The following DMD variants were observed in gnomAD, a reference collection of about 807,000 sequenced individuals.
DMD encodes mutant dystrophin.
Under a neutral mutation model 330.1 loss-of-function variants are expected in DMD, and 63 were observed. The observed-to-expected ratio is 0.19, with a 90% CI of 0.16 to 0.24. The LOEUF (loss-of-function observed/expected upper bound fraction) is 0.24. DMD is among the 10% of genes least tolerant of loss of function. DMD has a pLI of 1.00. For synonymous variants in DMD, 1,223 were observed against 959.8 expected, an observed-to-expected ratio of 1.27 and a Z score of -5.07; for missense variants, 3,344 against 2,684.1, an observed-to-expected ratio of 1.25 and a Z score of -5.43.
chrX:32,108,652 C>T (rs1012808753), intron 44 of DMD, among the ~76,000 whole-genome samples: 3 of 111,733 alleles, frequency 2.7e-5, no homozygotes, highest in African/African-American at 9.7e-5. Context: ...CTTTTCTCTG[C>T]TATTGGTTTT....
At chrX:31,276,994 T>G (rs926048779) in intron 62 of DMD, among the ~76,000 whole-genome samples, 1 of 111,891 alleles carries the variant, frequency 8.9e-6, no homozygotes, top group Non-Finnish European at 1.9e-5. Context: ...GTTAAATGAG[T>G]GTGTTCAGAT....
At chrX:32,708,400 G>T (rs1189251430) in intron 7 of DMD, among the ~76,000 whole-genome samples, 1 of 110,173 alleles carries the variant, frequency 9.1e-6, no homozygotes, top group Admixed American at 9.7e-5. Flanking sequence ...TAATAGGTAA[G>T]GGACTGTGGT....
At chrX:32,752,858 CT>C (rs1018134591) in intron 7 of DMD, among the ~76,000 whole-genome samples, 8 of 110,524 alleles carry the variant, frequency 7.2e-5, no homozygotes, top group African/African-American at 2.3e-4. Flanking sequence ...CACAAGCTTT[CT>C]TTGCCCTCTG....
chrX:31,529,001 A>G (rs995126163), intron 55 of DMD, among the ~76,000 whole-genome samples: 1 of 110,519 alleles, frequency 9.0e-6, no homozygotes. Context: ...TAAAAATAAA[A>G]AAACAGTTAA....
chrX:31,905,621 G>C (rs1012379212), intron 47 of DMD, among the ~76,000 whole-genome samples: 11 of 110,208 alleles, frequency 1.0e-4, no homozygotes, highest in Admixed American at 2.0e-4. Context: ...AAAAAGGAAG[G>C]GGGGAGAAAG....
At chrX:32,633,010 A>T (rs2058846783) in intron 11 of DMD, among the ~76,000 whole-genome samples, 1 of 112,302 alleles carries the variant, frequency 8.9e-6, no homozygotes, top group African/African-American at 3.2e-5. Flanking sequence ...TTTCTACCAC[A>T]TATCCATGTT....
chrX:33,131,430 T>G (rs1279441258), intron 1 of DMD, among the ~76,000 whole-genome samples: 2 of 111,926 alleles, frequency 1.8e-5, no homozygotes, highest in African/African-American at 6.5e-5. Flanking sequence ...TGTTATCAAA[T>G]TAGGTGCTCA....
At chrX:33,160,351 CCAGGGCCACAGCCTAGT>C (rs2048713039) in intron 1 of DMD, among the ~76,000 whole-genome samples, 1 of 111,523 alleles carries the variant, frequency 9.0e-6, no homozygotes, top group African/African-American at 3.3e-5. Context: ...GACTCAGCTA[CCAGGGCCACAGCCTAGT>C]CAGGGACACT....
chrX:33,091,325 G>T (rs1348962629), intron 1 of DMD, among the ~76,000 whole-genome samples: 1 of 111,413 alleles, frequency 9.0e-6, no homozygotes, highest in African/African-American at 3.3e-5. Context: ...ATACTTGAAA[G>T]CAGGGATACT....
At chrX:31,591,700 C>T (rs775534057) in intron 55 of DMD, among the ~76,000 whole-genome samples, 2 of 110,982 alleles carry the variant, frequency 1.8e-5, no homozygotes, top group Non-Finnish European at 3.8e-5. Flanking sequence ...CCCCAATCCT[C>T]GGGGGAGATT....
At chrX:31,182,595 C>T in intron 68 of DMD, 143 bp downstream of exon 68, 3 of 571,005 alleles carry the variant, frequency 5.3e-6, no homozygotes, top group East Asian at 3.4e-5. Context: ...CAGGAATGAT[C>T]GATGTTCCAG....
rs746437287 is a variant in DMD at position 31,967,297 on chromosome X, G to GGTGTGTGTGT, written c.6614+1032_6614+1041dup. 1.2e-4 allele frequency among the ~76,000 whole-genome samples: 9 copies of GGTGTGTGTGT among 74,583 alleles called. 1 individual carries two copies. Among genetic ancestry groups the GGTGTGTGTGT allele is most frequent in the Non-Finnish European group, 2.1e-4 (8 of 37,981 alleles). The allele number at this position is 74,583 out of a possible 115,157, so 64.8% of individuals were successfully genotyped here. A position where few individuals can be genotyped will look rare whatever the true frequency, so the allele number is the denominator to read the frequency against. On this transcript the variant is annotated intron_variant, in intron 45 of 78. Coordinates refer to ENST00000357033, the MANE Select transcript of DMD (RefSeq NM_004006.3). Reference sequence around the variant, plus strand: ...CTATAATTCTTTAACTTTGGCAAGGGGTGTGTGTGTGTGTGTGTGTGTGTG... The same window carrying GGTGTGTGTGT: ...CTATAATTCTTTAACTTTGGCAAGGGGTGTGTGTGTGTGTGTGTGTGTGTGTGTGTGTGTG...
intron 1 of DMD, among the ~76,000 whole-genome samples, chrX:33,072,602 G>C (rs749091524): frequency 4.5e-5 from 5 of 111,653 alleles, no homozygotes; most frequent in Admixed American, 1.9e-4. Context: ...ATGCACCATT[G>C]ATTTGGATAA....
At chrX:31,372,092 G>A (rs1408873761) in intron 60 of DMD, among the ~76,000 whole-genome samples, 1 of 111,646 alleles carries the variant, frequency 9.0e-6, no homozygotes, top group Admixed American at 9.5e-5. Flanking sequence ...GGTGCTGGTG[G>A]TGATAATGAC....
In DMD at chrX:31,903,592, T is replaced by A. The variant is rs142485253; in HGVS notation, c.6912+26004A>T. 8.9e-3 allele frequency among the ~76,000 whole-genome samples: 996 copies of A among 112,385 alleles called. 9 individuals carry two copies. Among genetic ancestry groups the A allele is most frequent in the African/African-American group, 0.03 (947 of 31,050 alleles). ...CCACACCAAAGCAGCCATTTTGTTA[T>A]TTTAAGAAATACATATGAAAATTCT... On this transcript the variant is annotated intron_variant, in intron 47 of 78. Transcript: ENST00000357033.
chrX:33,336,411 T>C (rs889602131), intron 1 of DMD, among the ~76,000 whole-genome samples: 3 of 110,568 alleles, frequency 2.7e-5, no homozygotes, highest in African/African-American at 9.8e-5. Context: ...TAACCGATAG[T>C]GTCTTCCCCT....
chrX:32,838,101 A>C (rs1323325239), intron 4 of DMD, among the ~76,000 whole-genome samples: 1 of 111,669 alleles, frequency 9.0e-6, no homozygotes, highest in Non-Finnish European at 1.9e-5. Flanking sequence ...TAATGGCTCT[A>C]AAAATATATT....
intron 60 of DMD, among the ~76,000 whole-genome samples, chrX:31,376,441 A>C (rs151180589): frequency 0.011 from 1,171 of 111,368 alleles, 14 homozygotes; most frequent in African/African-American, 0.035. Context: ...AGGTCAGAAA[A>C]TACAGGAGAG....
At chrX:33,337,043 C>T (rs192313002) in intron 1 of DMD, among the ~76,000 whole-genome samples, 127 of 111,666 alleles carry the variant, frequency 1.1e-3, no homozygotes, top group African/African-American at 4.1e-3. Context: ...ACTTTCTAAC[C>T]GCAAATGAAG....
Sources: allele counts gnomAD v4.1 joint callset (sites outside exome capture counted in the v4.1 genomes callset), GRCh38; gene constraint gnomAD v4.1.1; transcripts MANE v1.5; gene names NCBI Gene and HGNC (gene_info 2026-07-23, HGNC 2026-07-21).